Variants in FOLR3 observed in about 807,000 individuals in gnomAD.
FOLR3 encodes folate receptor 3 (gamma).
In FOLR3, 9 loss-of-function variants were observed where a neutral mutation model predicts 20.0. The ratio of observed to expected loss-of-function variants is 0.45; its 90% confidence interval spans 0.27 to 0.79. The LOEUF is 0.79. FOLR3 is among the 30% of genes least tolerant of loss of function. FOLR3 has a pLI of 0.15. For synonymous variants in FOLR3, 124 were observed against 115.5 expected (o/e 1.07, Z -0.47); for missense variants, 309 against 323.5 (o/e 0.96, Z 0.34).
chr11:72,136,143 C>A, intron 2 of FOLR3, 23 bp downstream of exon 2: 2 of 1,613,280 alleles, frequency 1.2e-6, no homozygotes, highest in Non-Finnish European at 1.7e-6. Flanking sequence ...TGGTGTAGGA[C>A]AGCATGCACA....
rs373658257 is a variant in FOLR3, at chr11:72,139,758, A to G, written c.665A>G (p.Asn222Ser). Reference protein sequence around the residue: ...MWFDSAQGNPNEEVAKFYAAA... With the variant: ...MWFDSAQGNPSEEVAKFYAAA... Reference sequence around the variant, plus strand: ...TTTGACTCAGCCCAGGGCAACCCCAATGAGGAGGTGGCCAAGTTCTATGCT... The same window carrying G: ...TTTGACTCAGCCCAGGGCAACCCCAGTGAGGAGGTGGCCAAGTTCTATGCT... The change falls in exon 5 of 5, where the codon AAT becomes AGT. Residue 222 changes from asparagine to serine, a missense_variant. Coordinates refer to ENST00000611028, the MANE Select transcript of FOLR3 (RefSeq NM_000804.4). 3.5e-4 allele frequency: 572 copies of G among 1,614,064 alleles called. No individual in the cohort carries two copies. Among genetic ancestry groups the G allele is most frequent in the East Asian group, 1.5e-3 (66 of 44,870 alleles).
intron 4 of FOLR3, 29 bp from the exon 5 acceptor site, chr11:72,139,558 G>A (rs761054171): frequency 1.4e-5 from 22 of 1,613,578 alleles, no homozygotes; most frequent in Middle Eastern, 1.7e-4. Context: ...TGGCCCAGAA[G>A]CTAAGGGTCT....
rs1947790859 is a variant in FOLR3 at position 72,139,574 on chromosome 11, T to G, written c.494-13T>G. 1 of 1,613,720 alleles carries G rather than the reference T, an allele frequency of 6.2e-7. No homozygotes were observed. The highest frequency in any genetic ancestry group is 8.5e-7 in the Non-Finnish European group (1 of 1,179,808). ...GGCCCAGAAGCTAAGGGTCTTACGT[T>G]CTCCTCCCTCAGGGATTAATGAGTG... is the stretch of plus-strand genomic sequence containing the variant. On this transcript the variant is annotated splice_polypyrimidine_tract_variant and intron_variant, in intron 4 of 4. Transcript: ENST00000611028.
intron 3 of FOLR3, 78 bp from the exon 4 acceptor site, chr11:72,139,269 C>T: frequency 6.4e-7 from 1 of 1,558,488 alleles, no homozygotes; most frequent in African/African-American, 1.4e-5. Context: ...TGCCCCCTCC[C>T]ACAGCTCTGG....
chr11:72,137,678 G>T (rs957775513), intron 2 of FOLR3, among the ~76,000 whole-genome samples: 4 of 151,926 alleles, frequency 2.6e-5, no homozygotes, highest in African/African-American at 7.3e-5. Flanking sequence ...ATTTTTAGTA[G>T]AGACAGGGTT....
intron 2 of FOLR3, 104 bp from the exon 3 acceptor site, chr11:72,138,857 C>A: frequency 1.4e-6 from 2 of 1,441,372 alleles, no homozygotes; most frequent in Non-Finnish European, 1.9e-6. Flanking sequence ...AGGGCCCTCC[C>A]CAGGAAGTGT....
At chr11:72,138,231 T>C (rs893361103) in intron 2 of FOLR3, among the ~76,000 whole-genome samples, 10 of 152,068 alleles carry the variant, frequency 6.6e-5, no homozygotes, top group African/African-American at 2.4e-4. Context: ...CTGGGCATGG[T>C]GGCACGTGCC....
At position 72,139,214 on chromosome 11, in the gene FOLR3, G is replaced by A. The variant is rs1157922805; in HGVS notation, c.357+65G>A. On this transcript the variant is annotated intron_variant, in intron 3 of 4. Coordinates refer to ENST00000611028, the MANE Select transcript of FOLR3 (RefSeq NM_000804.4). ...GGCGGAGCCTGCCAGTTGCTGGCAG[G>A]GAGGGCTTGGTCCAGGAATTCGGGT... The A allele has an allele frequency of 5.1e-6, 8 of 1,567,842 alleles. No homozygotes were observed. In the South Asian group the frequency reaches 6.0e-5, roughly 12 times the overall value.
rs758672071 is a variant in FOLR3 at position 72,139,704 on chromosome 11, G to T, written c.611G>T (p.Arg204Leu). Residue 204 changes from arginine (R) to leucine (L), a missense_variant, in exon 5 of 5, where the codon CGA becomes CTA. Coordinates refer to ENST00000611028, the MANE Select transcript of FOLR3 (RefSeq NM_000804.4). ...SHSFKVSNYSRGSGRCIQMWF... is the reference protein window; with the variant it reads ...SHSFKVSNYSLGSGRCIQMWF... The stretch of plus-strand genomic sequence containing the variant: ...TCCTTCAAGGTCAGCAACTATAGTC[G>T]AGGGAGCGGCCGCTGCATCCAGATG... The T allele has an allele frequency of 6.2e-7, 1 of 1,613,884 alleles. No individual in the cohort carries two copies. Among genetic ancestry groups the T allele is most frequent in the Admixed American group, 1.7e-5 (1 of 60,022 alleles).
chr11:72,139,383 G>T lies in FOLR3; in HGVS notation c.394G>T (p.Val132Leu). Residue 132 changes from valine to leucine, a missense_variant, in exon 4 of 5, where the codon GTG (valine) becomes TTG (leucine). Coordinates refer to ENST00000611028, the MANE Select transcript of FOLR3 (RefSeq NM_000804.4). ...CTGGCGCAAAGAGCGCATTCTGAACGTGCCCCTGTGCAAAGAGGACTGTGA... is the reference window on the plus strand; with the variant it reads ...CTGGCGCAAAGAGCGCATTCTGAACTTGCCCCTGTGCAAAGAGGACTGTGA... ...QSWRKERILN[V>L]PLCKEDCERW... The T allele has an allele frequency of 6.2e-7, 1 of 1,611,870 alleles. No individual in the cohort carries two copies. Among genetic ancestry groups the T allele is most frequent in the South Asian group, 1.1e-5 (1 of 90,794 alleles).
Position 72,135,758 on chromosome 11 carries a change from C to A in FOLR3, c.-17C>A. On this transcript the variant is annotated 5_prime_UTR_variant, in exon 1 of 5. Coordinates refer to ENST00000611028, the MANE Select transcript of FOLR3 (RefSeq NM_000804.4). ...GACCTACAGCGCTGTTGGTGGAGGT[C>A]CTGCCTCCAGGTAGGGGAAGGGCTC... 1 of 630,264 alleles carries A rather than the reference C, an allele frequency of 1.6e-6. No individual in the cohort carries two copies. Among genetic ancestry groups the A allele is most frequent in the South Asian group, 1.9e-5 (1 of 52,250 alleles). The allele number at this position is 630,264 out of a possible 1,614,324, so 39.0% of individuals were successfully genotyped here.
intron 2 of FOLR3, among the ~76,000 whole-genome samples, chr11:72,137,742 C>T (rs1947759211): frequency 6.6e-6 from 1 of 152,060 alleles, no homozygotes; most frequent in African/African-American, 2.4e-5. Flanking sequence ...GATCCGCCCG[C>T]CTCCTTAAAT....
rs745613621 is a variant in FOLR3 at position 72,136,033 on chromosome 11, G to C, written c.81G>C (p.Ala27=). The change falls in exon 2 of 5, where the codon GCG becomes GCC. Residue 27 remains alanine, a synonymous_variant. Coordinates refer to ENST00000611028, the MANE Select transcript of FOLR3 (RefSeq NM_000804.4). Reference sequence around the variant, plus strand: ...CGGGGAGTGCCCAGCCCAGGAGTGCGCGGGCCAGGACGGACCTGCTCAATG... The same window carrying C: ...CGGGGAGTGCCCAGCCCAGGAGTGCCCGGGCCAGGACGGACCTGCTCAATG... ...TAAGSAQPRS[A]RARTDLLNVC... The C allele has an allele frequency of 6.2e-7, 1 of 1,613,836 alleles. No homozygotes were observed. Among genetic ancestry groups the C allele is most frequent in the African/African-American group, 1.3e-5 (1 of 74,894 alleles).
chr11:72,138,464 C>A (rs1434871904), intron 2 of FOLR3, among the ~76,000 whole-genome samples: 1 of 152,174 alleles, frequency 6.6e-6, no homozygotes, highest in African/African-American at 2.4e-5. Flanking sequence ...TCCCTCATCT[C>A]CTATATCCCG....
chr11:72,139,137 C>T lies in FOLR3; in HGVS notation c.345C>T (p.Pro115=). ...ATGAGTGCTCACCCAACCTGGGGCC[C>T]TGGATCCGGCAGGTATGAGTGCTGT... ...CLYECSPNLG[P]WIRQVNQSWR... Residue 115 remains proline (P), a synonymous_variant, in exon 3 of 5, where the codon CCC becomes CCT. Coordinates refer to ENST00000611028, the MANE Select transcript of FOLR3 (RefSeq NM_000804.4). 6.2e-7 allele frequency: 1 copy of T among 1,613,198 alleles called. No homozygotes were observed. The highest frequency in any genetic ancestry group is 1.7e-5 in the Admixed American group (1 of 60,000).
In FOLR3 at chr11:72,139,501, A is replaced by G. The variant is rs754477455; in HGVS notation, c.493+19A>G. The G allele has an allele frequency of 1.7e-5, 28 of 1,613,406 alleles. No individual in the cohort carries two copies. The highest frequency in any genetic ancestry group is 4.0e-5 in the African/African-American group (3 of 74,922). On this transcript the variant is annotated intron_variant, in intron 4 of 4. Coordinates refer to ENST00000611028, the MANE Select transcript of FOLR3 (RefSeq NM_000804.4). Reference sequence around the variant, plus strand: ...ACCTCAGGTGAGGACCTGAGGAGATAAGATGAGGAGTGGGAGTGGGGCTTT... The same window carrying G: ...ACCTCAGGTGAGGACCTGAGGAGATGAGATGAGGAGTGGGAGTGGGGCTTT...
rs758672071 is a variant in FOLR3 at position 72,139,704 on chromosome 11, G to A, written c.611G>A (p.Arg204Gln). 52 of 1,613,884 alleles carry A rather than the reference G, an allele frequency of 3.2e-5. 2 individuals carry two copies. The highest frequency in any genetic ancestry group is 3.1e-4 in the South Asian group (28 of 91,070). ...SHSFKVSNYS[R>Q]GSGRCIQMWF... ...TCCTTCAAGGTCAGCAACTATAGTC[G>A]AGGGAGCGGCCGCTGCATCCAGATG... Residue 204 changes from arginine (R) to glutamine (Q), a missense_variant, in exon 5 of 5, where the codon CGA (arginine) becomes CAA (glutamine). Arg to Gln is a conservative substitution (Grantham distance 43, BLOSUM62 1). Coordinates refer to ENST00000611028, the MANE Select transcript of FOLR3 (RefSeq NM_000804.4).
intron 2 of FOLR3, 92 bp from the exon 3 acceptor site, chr11:72,138,868 TC>T: frequency 1.3e-6 from 2 of 1,500,140 alleles, no homozygotes; most frequent in Non-Finnish European, 1.8e-6. Context: ...CAGGAAGTGT[TC>T]CTCTGGATGA....
At position 72,139,841 on chromosome 11, in the gene FOLR3, G is replaced by C. The variant is rs747599005; in HGVS notation, c.*10G>C. 1 of 1,612,530 alleles carries C rather than the reference G, an allele frequency of 6.2e-7. No individual in the cohort carries two copies. The highest frequency in any genetic ancestry group is 1.1e-5 in the South Asian group (1 of 91,060). On this transcript the variant is annotated 3_prime_UTR_variant, in exon 5 of 5. Coordinates refer to ENST00000611028, the MANE Select transcript of FOLR3 (RefSeq NM_000804.4). ...GATTATTGATTCCTGATCCAAGAAGGGTCCTCTGGGGTTCTTCCAACAACC... is the reference window on the plus strand; with the variant it reads ...GATTATTGATTCCTGATCCAAGAAGCGTCCTCTGGGGTTCTTCCAACAACC...
Sources: gnomAD v4.1 joint callset for allele counts (sites outside exome capture counted in the v4.1 genomes callset) on GRCh38, gnomAD v4.1.1 for gene constraint, MANE v1.5 for transcripts, NCBI Gene and HGNC (gene_info 2026-07-23, HGNC 2026-07-21) for gene names.